Variants in ZBTB46 observed in about 807,000 individuals in gnomAD.
The protein encoded by ZBTB46 is zinc finger and BTB domain-containing protein 46.
A neutral mutation model predicts 44.1 loss-of-function variants in ZBTB46; 8 were observed. That is an observed-to-expected ratio of 0.18 (90% confidence interval 0.11 to 0.33). The LOEUF (loss-of-function observed/expected upper bound fraction) is 0.33. ZBTB46 is among the 10% of genes least tolerant of loss of function. The pLI, the probability that ZBTB46 is intolerant of heterozygous loss-of-function variation, is 1.00. For missense variants in ZBTB46, 651 were observed against 847.7 expected, an observed-to-expected ratio of 0.77 and a Z score of 2.88; for synonymous variants, 409 against 382.3, an observed-to-expected ratio of 1.07 and a Z score of -0.81.
intron 3 of ZBTB46, among the ~76,000 whole-genome samples, chr20:63,758,386 C>T (rs1336195963): frequency 6.6e-6 from 1 of 151,940 alleles, no homozygotes; most frequent in Non-Finnish European, 1.5e-5. Flanking sequence ...CCACAGAAAC[C>T]AAACAAGGCT....
At chr20:63,755,924 G>A (rs538151679) in intron 3 of ZBTB46, among the ~76,000 whole-genome samples, 10 of 152,282 alleles carry the variant, frequency 6.6e-5, no homozygotes, top group Admixed American at 2.6e-4. Flanking sequence ...AGGTGTTCTC[G>A]CAAGGAAAAG....
At chr20:63,761,601 G>A (rs1353547609) in intron 3 of ZBTB46, among the ~76,000 whole-genome samples, 1 of 152,020 alleles carries the variant, frequency 6.6e-6, no homozygotes, top group Non-Finnish European at 1.5e-5. Context: ...GGCCAATATA[G>A]TGGAACTCTG....
At chr20:63,790,895 TGGGAGGACGACCCACGCGA>T in intron 1 of ZBTB46, 105 bp from the exon 2 acceptor site, 1 of 1,424,026 alleles carries the variant, frequency 7.0e-7, no homozygotes, top group Non-Finnish European at 9.2e-7. Context: ...GTGCGGCCAG[TGGGAGGACGACCCACGCGA>T]GAGCCCATCC....
At chr20:63,801,551 C>CT (rs2092645303) in intron 1 of ZBTB46, among the ~76,000 whole-genome samples, 1 of 152,162 alleles carries the variant, frequency 6.6e-6, no homozygotes, top group Non-Finnish European at 1.5e-5. Context: ...AAGTGTTGTT[C>CT]TTTTGCTCTT....
intron 1 of ZBTB46, among the ~76,000 whole-genome samples, chr20:63,796,153 G>C (rs1166331707): frequency 6.6e-6 from 1 of 152,224 alleles, no homozygotes; most frequent in Non-Finnish European, 1.5e-5. Context: ...GCAGACTGGG[G>C]TTATTTTTCC....
At chr20:63,833,637 C>T (rs1249693574), upstream of ZBTB46, among the ~76,000 whole-genome samples, 2 of 152,252 alleles carry the variant, frequency 1.3e-5, no homozygotes, top group African/African-American at 2.4e-5. Context: ...ATGAACGGGG[C>T]GGATGAGGCT....
intron 1 of ZBTB46, among the ~76,000 whole-genome samples, chr20:63,825,253 T>G (rs566302930): frequency 6.6e-6 from 1 of 151,648 alleles, no homozygotes; most frequent in South Asian, 2.1e-4. Context: ...ATACAAAAAT[T>G]AGCCGGGCGT....
rs967290322 is a variant in ZBTB46 at position 63,831,083 on chromosome 20, C to A, written c.-34+14G>T. On this transcript the variant is annotated intron_variant, in intron 1 of 4. Transcript: ENST00000245663. The stretch of plus-strand genomic sequence containing the variant: ...CCCGCCCGGCCGCGCGGACAATGAG[C>A]CGGCGCCGCTTACCTGTGACCCCAT... 7.0e-6 allele frequency: 1 copy of A among 142,146 alleles called. No individual in the cohort carries two copies. 8.8% of individuals were successfully genotyped at this position (142,146 alleles called of 1,614,324 possible).
At chr20:63,750,195 G>T (rs909878257) in intron 4 of ZBTB46, among the ~76,000 whole-genome samples, 1 of 152,186 alleles carries the variant, frequency 6.6e-6, no homozygotes, top group African/African-American at 2.4e-5. Context: ...CCCAGAGAAG[G>T]CCACACACAG....
intron 2 of ZBTB46, among the ~76,000 whole-genome samples, chr20:63,777,065 GCACACGCCACGGTTCCAC>G (rs2092431869): frequency 7.9e-5 from 3 of 37,838 alleles, no homozygotes; most frequent in South Asian, 2.1e-3. Flanking sequence ...CACGGTTCCA[GCACACGCCACGGTTCCAC>G]CACACGCCAC....
At chr20:63,748,344 T>C (rs1160800981) in intron 4 of ZBTB46, among the ~76,000 whole-genome samples, 2 of 152,208 alleles carry the variant, frequency 1.3e-5, no homozygotes, top group Non-Finnish European at 2.9e-5. Context: ...CCTCAAGGCC[T>C]GAGGGAACTA....
upstream of ZBTB46, chr20:63,831,302 C>CGCGCGCG (rs1555861306): frequency 1.5e-5 from 2 of 133,986 alleles, no homozygotes; most frequent in Non-Finnish European, 3.3e-5. Context: ...CCCCCGCCGC[C>CGCGCGCG]CGCGCGCGCG....
chr20:63,802,443 G>C (rs1341336394), intron 1 of ZBTB46, among the ~76,000 whole-genome samples: 1 of 147,216 alleles, frequency 6.8e-6, no homozygotes, highest in Non-Finnish European at 1.5e-5. Context: ...TGAGGTTACT[G>C]GGGGCCCCTA....
chr20:63,789,857 G>C lies in ZBTB46; in HGVS notation c.901C>G (p.Pro301Ala). 1 of 1,612,806 alleles carries C rather than the reference G, an allele frequency of 6.2e-7. No homozygotes were observed. The highest frequency in any genetic ancestry group is 8.5e-7 in the Non-Finnish European group (1 of 1,179,730). The change falls in exon 2 of 5, where the codon CCG becomes GCG. Residue 301 changes from proline to alanine, a missense_variant. Transcript: ENST00000245663. ...CTGCTGAACGGCCACCCCGACGTCG[G>C]CAGGAAGGACGGCACCGGGGAGCTG... ...RASSPVPSFL[P>A]TSGWPFSSRD...
At chr20:63,771,684 G>A (rs2092375461) in intron 3 of ZBTB46, among the ~76,000 whole-genome samples, 3 of 152,194 alleles carry the variant, frequency 2.0e-5, no homozygotes, top group Admixed American at 1.3e-4. Flanking sequence ...AGGCGCTGGT[G>A]TCCACGGTTT....
chr20:63,795,572 GA>G (rs2092597195), intron 1 of ZBTB46, among the ~76,000 whole-genome samples: 1 of 152,244 alleles, frequency 6.6e-6, no homozygotes, highest in Admixed American at 6.5e-5. Context: ...CTAACGAACT[GA>G]GGGCCTCAAA....
At chr20:63,748,297 C>A (rs961940551) in intron 4 of ZBTB46, among the ~76,000 whole-genome samples, 1 of 152,200 alleles carries the variant, frequency 6.6e-6, no homozygotes, top group African/African-American at 2.4e-5. Flanking sequence ...TGTGGCAGGA[C>A]GCGAGGTGCT....
chr20:63,790,083 A>G lies in ZBTB46; in HGVS notation c.675T>C (p.Pro225=), dbSNP rs2092547891. 3.1e-6 allele frequency: 5 copies of G among 1,614,066 alleles called. No individual in the cohort carries two copies. The Admixed American group carries it at 6.7e-5, about 22-fold the overall frequency. The change falls in exon 2 of 5, where the codon CCT becomes CCC. Residue 225 remains proline (P), a synonymous_variant. Transcript: ENST00000245663. ...AAACCTGCTCTTCCTTGATGCGCAG[A>G]GGCCCGTAGCCCACGTCTCCAGGCC... ...PLWPGDVGYG[P]LRIKEEQVSP...
intron 3 of ZBTB46, among the ~76,000 whole-genome samples, chr20:63,758,619 T>C (rs1350829896): frequency 7.2e-5 from 11 of 152,106 alleles, no homozygotes; most frequent in Admixed American, 5.2e-4. Context: ...TCTCCAAATA[T>C]ATTTAGCAGT....
Sources: allele counts gnomAD v4.1 joint callset (sites outside exome capture counted in the v4.1 genomes callset), GRCh38; gene constraint gnomAD v4.1.1; transcripts MANE v1.5; gene names NCBI Gene and HGNC (gene_info 2026-07-23, HGNC 2026-07-21).